The following CACHD1 variants were observed in gnomAD, a reference collection of about 807,000 sequenced individuals.
The protein encoded by CACHD1 is cache domain containing 1, also known as VWFA and cache domain-containing protein 1.
CACHD1 carries 71 observed loss-of-function variants against 138.7 expected under a neutral mutation model. That is an observed-to-expected ratio of 0.51 (90% CI 0.42 to 0.62). CACHD1 has a LOEUF of 0.62. Ranked by LOEUF, CACHD1 falls within the 20% of genes least tolerant of loss-of-function variation. The pLI, the probability that CACHD1 is intolerant of heterozygous loss-of-function variation, is 0.00. For synonymous variants in CACHD1, 578 were observed against 591.5 expected, an observed-to-expected ratio of 0.98 and a Z score of 0.33; for missense variants, 1,389 against 1,625.3, an observed-to-expected ratio of 0.85 and a Z score of 2.50.
intron 2 of CACHD1, among the ~76,000 whole-genome samples, chr1:64,577,836 G>T (rs985053480): frequency 2.0e-5 from 3 of 152,154 alleles, no homozygotes; most frequent in African/African-American, 7.2e-5. Flanking sequence ...AAGTGCCATA[G>T]GTGTTTGGAC....
At chr1:64,636,322 T>C (rs1016646498) in intron 7 of CACHD1, among the ~76,000 whole-genome samples, 4 of 152,164 alleles carry the variant, frequency 2.6e-5, no homozygotes, top group African/African-American at 9.7e-5. Context: ...GTACATGGTG[T>C]GTTAGTTTTA....
intron 1 of CACHD1, among the ~76,000 whole-genome samples, chr1:64,484,559 G>T (rs1483986849): frequency 6.6e-6 from 1 of 152,146 alleles, no homozygotes; most frequent in Non-Finnish European, 1.5e-5. Context: ...TCATATTGTC[G>T]TGTAACCATC....
chr1:64,599,928 G>GGGAAGATCCA (rs1358126513), intron 3 of CACHD1, among the ~76,000 whole-genome samples: 1 of 152,080 alleles, frequency 6.6e-6, no homozygotes, highest in Non-Finnish European at 1.5e-5. Flanking sequence ...TACATTTCCT[G>GGGAAGATCCA]GGAAGATTTG....
chr1:64,673,213 C>T lies in CACHD1; in HGVS notation c.2566C>T (p.Pro856Ser). 1.2e-6 allele frequency: 2 copies of T among 1,613,980 alleles called. No homozygotes were observed. The highest frequency in any genetic ancestry group is 1.7e-6 in the Non-Finnish European group (2 of 1,179,982). The change falls in exon 18 of 27, where the codon CCC (proline) becomes TCC (serine). Residue 856 changes from proline to serine, a missense_variant. This residue lies in a region of CACHD1 where 1,000 missense variants were observed against 1,114.7 expected (regional missense o/e 0.90). Transcript: ENST00000651257. ...YLVAHPTLIDPKGHAPVEQQH... is the reference protein window; with the variant it reads ...YLVAHPTLIDSKGHAPVEQQH... The stretch of plus-strand genomic sequence containing the variant: ...GGTGGCGCACCCGACTCTCATCGAC[C>T]CCAAAGGACATGCACCTGTGGAGCA...
intron 17 of CACHD1, among the ~76,000 whole-genome samples, chr1:64,671,888 CT>C (rs1480326880): frequency 6.6e-6 from 1 of 152,122 alleles, no homozygotes; most frequent in Non-Finnish European, 1.5e-5. Context: ...TTTAGACAGA[CT>C]CAGCACACAA....
In CACHD1 at chr1:64,620,277, T is replaced by C. The variant is rs144864131; in HGVS notation, c.518-9078T>C. Among the ~76,000 whole-genome samples, 4 of 152,284 alleles carry C rather than the reference T, an allele frequency of 2.6e-5. No individual in the cohort carries two copies. In the East Asian group the frequency reaches 7.7e-4, roughly 29 times the overall value. ...ACAGTGAATATCTATATATCTTCCC[T>C]CCCTACCTACATGTAGCTGTTTAGA... On this transcript the variant is annotated intron_variant, in intron 4 of 26. Coordinates refer to ENST00000651257, the MANE Select transcript of CACHD1 (RefSeq NM_020925.4).
intron 1 of CACHD1, among the ~76,000 whole-genome samples, chr1:64,543,699 G>A (rs1024721494): frequency 1.3e-5 from 2 of 151,734 alleles, no homozygotes; most frequent in Non-Finnish European, 2.9e-5. Flanking sequence ...AATAGTATGA[G>A]GTTAAATAGT....
intron 1 of CACHD1, among the ~76,000 whole-genome samples, chr1:64,489,502 G>A (rs1646261808): frequency 6.6e-6 from 1 of 152,116 alleles, no homozygotes. Context: ...TCACATAGAG[G>A]GGTTATAAAA....
intron 2 of CACHD1, among the ~76,000 whole-genome samples, chr1:64,561,622 A>G (rs7528269): frequency 0.81 from 123,071 of 151,512 alleles, 51,992 homozygotes; most frequent in South Asian, 0.94. Context: ...AGAAGCTGAG[A>G]TGGGAGGATC....
intron 1 of CACHD1, among the ~76,000 whole-genome samples, chr1:64,530,777 A>G (rs1570337464): frequency 6.6e-6 from 1 of 151,780 alleles, no homozygotes; most frequent in Admixed American, 6.6e-5. Flanking sequence ...AGGCTGAGGC[A>G]GGAGAATCAC....
chr1:64,519,246 A>G (rs554238825), intron 1 of CACHD1, among the ~76,000 whole-genome samples: 1 of 152,344 alleles, frequency 6.6e-6, no homozygotes, highest in East Asian at 1.9e-4. Context: ...TTTTGCCTCC[A>G]GCAATGGAAA....
intron 1 of CACHD1, among the ~76,000 whole-genome samples, chr1:64,530,050 G>A (rs909655906): frequency 2.0e-5 from 3 of 152,182 alleles, no homozygotes; most frequent in African/African-American, 4.8e-5. Flanking sequence ...TACTGAAGTA[G>A]CACAGTGCCT....
intron 3 of CACHD1, among the ~76,000 whole-genome samples, chr1:64,585,651 A>C (rs901394038): frequency 3.3e-5 from 5 of 152,244 alleles, no homozygotes; most frequent in African/African-American, 1.2e-4. Context: ...ACAATCAGAG[A>C]ATGTACAGAT....
At chr1:64,601,315 A>G (rs762716985) in intron 3 of CACHD1, among the ~76,000 whole-genome samples, 8 of 152,218 alleles carry the variant, frequency 5.3e-5, no homozygotes, top group Non-Finnish European at 1.0e-4. Context: ...TTATAGTGAT[A>G]GTGCCTTGCC....
intron 7 of CACHD1, among the ~76,000 whole-genome samples, chr1:64,635,990 A>C (rs140269180): frequency 0.013 from 1,982 of 152,022 alleles, 43 homozygotes; most frequent in African/African-American, 0.045. Context: ...ACACGCCTGT[A>C]ATCCCAGCTA....
At chr1:64,582,814 T>C (rs143100800) in intron 3 of CACHD1, among the ~76,000 whole-genome samples, 28 of 152,296 alleles carry the variant, frequency 1.8e-4, no homozygotes, top group East Asian at 1.2e-3. Flanking sequence ...GTGATACTTA[T>C]ATCTGGAGGG....
chr1:64,663,130 A>G (rs1055405188), intron 13 of CACHD1, among the ~76,000 whole-genome samples: 45 of 152,128 alleles, frequency 3.0e-4, no homozygotes, highest in African/African-American at 1.0e-3. Context: ...TCCTCATAAG[A>G]TATTATATGT....
intron 19 of CACHD1, among the ~76,000 whole-genome samples, 177 bp from the exon 20 acceptor site, chr1:64,675,224 A>G (rs1649944884): frequency 6.6e-6 from 1 of 152,214 alleles, no homozygotes; most frequent in Non-Finnish European, 1.5e-5. Context: ...ATTATGAATA[A>G]TTTTTATTTT....
At chr1:64,621,337 C>A (rs1376961511) in intron 4 of CACHD1, among the ~76,000 whole-genome samples, 1 of 152,078 alleles carries the variant, frequency 6.6e-6, no homozygotes, top group Non-Finnish European at 1.5e-5. Context: ...TCTCATAGTG[C>A]TGACTTATAT....
Sources: gnomAD v4.1 joint callset for allele counts (sites outside exome capture counted in the v4.1 genomes callset) on GRCh38, gnomAD v4.1.1 for gene constraint, gnomAD v4.1.1 regional missense constraint, MANE v1.5 for transcripts, NCBI Gene and HGNC (gene_info 2026-07-23, HGNC 2026-07-21) for gene names.